The following TANGO6 variants were observed in gnomAD, a reference collection of about 807,000 sequenced individuals.
The protein encoded by TANGO6 is transport and Golgi organization protein 6 homolog.
A neutral mutation model predicts 114.2 loss-of-function variants in TANGO6; 90 were observed. The observed-to-expected ratio is 0.79, with a 90% CI of 0.66 to 0.94. The LOEUF is 0.94. Among genes scored for constraint, TANGO6 ranks in the 40% least tolerant of loss-of-function variants. TANGO6 has a pLI of 0.00. For missense variants in TANGO6, 1,274 were observed against 1,315.3 expected (o/e 0.97, Z 0.49); for synonymous variants, 477 against 509.8 (o/e 0.94, Z 0.87).
Position 69,040,308 on chromosome 16 carries a change from G to T in TANGO6, c.2995G>T (p.Val999Leu). 4.4e-6 allele frequency: 7 copies of T among 1,600,430 alleles called. No homozygotes were observed. The highest frequency in any genetic ancestry group is 6.0e-6 in the Non-Finnish European group (7 of 1,173,416). The change falls in exon 17 of 18, where the codon GTA becomes TTA. Residue 999 changes from valine to leucine, a missense_variant and splice_region_variant. By Grantham distance (32) the Val-to-Leu change is conservative. Transcript: ENST00000261778. Reference sequence around the variant, plus strand: ...ACTTCATCTTCCTTCATCCTCCTAGGTAACAGCTTGCCTGATTGCTGTGGC... The same window carrying T: ...ACTTCATCTTCCTTCATCCTCCTAGTTAACAGCTTGCCTGATTGCTGTGGC... ...DFLLGSVVHEVTACLIAVAKT... is the reference protein window; with the variant it reads ...DFLLGSVVHELTACLIAVAKT...
chr16:68,973,639 A>G (rs1480591311), intron 14 of TANGO6, among the ~76,000 whole-genome samples: 2 of 152,146 alleles, frequency 1.3e-5, no homozygotes, highest in African/African-American at 4.8e-5. Flanking sequence ...ATGAGCTTAG[A>G]TCTAATATTG....
At chr16:69,057,738 C>T (rs1213590151) in intron 17 of TANGO6, among the ~76,000 whole-genome samples, 2 of 152,122 alleles carry the variant, frequency 1.3e-5, no homozygotes, top group African/African-American at 4.8e-5. Context: ...TACTGCTAGC[C>T]CAGGAGAATG....
chr16:69,053,189 A>G (rs1442941254), intron 17 of TANGO6, among the ~76,000 whole-genome samples: 1 of 152,172 alleles, frequency 6.6e-6, no homozygotes, highest in Admixed American at 6.6e-5. Context: ...TTTAGAATGT[A>G]TAGGTTCTAA....
At chr16:69,024,097 T>C (rs762633139) in intron 16 of TANGO6, among the ~76,000 whole-genome samples, 57 of 152,006 alleles carry the variant, frequency 3.7e-4, no homozygotes, top group Admixed American at 8.5e-4. Context: ...AGACAGAGTT[T>C]CACCATGTTG....
rs1029287750 is a variant in TANGO6, at chr16:69,003,088, C to T, written c.2843-19740C>T. 4.3e-4 allele frequency among the ~76,000 whole-genome samples: 65 copies of T among 151,904 alleles called. 1 individual carries two copies. Among genetic ancestry groups the T allele is most frequent in the African/African-American group, 1.5e-3 (60 of 41,366 alleles). Reference sequence around the variant, plus strand: ...AAATCTTTTATCATTAAACTTTAGCCAGGACAAGCAGCTGACACCTCTGGC... The same window carrying T: ...AAATCTTTTATCATTAAACTTTAGCTAGGACAAGCAGCTGACACCTCTGGC... On this transcript the variant is annotated intron_variant, in intron 15 of 17. Transcript: ENST00000261778.
chr16:68,898,946 CTTATTATTATTATTA>C (rs143073228), intron 7 of TANGO6, among the ~76,000 whole-genome samples: 192 of 144,986 alleles, frequency 1.3e-3, no homozygotes, highest in African/African-American at 4.6e-3. Context: ...AATTATCTGC[CTTATTATTATTATTA>C]TTATTATTAT....
intron 15 of TANGO6, among the ~76,000 whole-genome samples, chr16:69,012,424 C>T (rs1244172621): frequency 2.6e-5 from 4 of 151,610 alleles, no homozygotes; most frequent in Admixed American, 6.6e-5. Context: ...GGCATGGTGG[C>T]GCATGCCTGT....
chr16:69,026,297 C>T (rs900223367), intron 16 of TANGO6: 3 of 152,096 alleles, frequency 2.0e-5, no homozygotes, highest in Admixed American at 6.6e-5. Flanking sequence ...CACCACGCCC[C>T]ACTGACTTCA....
chr16:68,982,237 A>T (rs574653727), intron 15 of TANGO6, among the ~76,000 whole-genome samples: 29 of 152,226 alleles, frequency 1.9e-4, no homozygotes, highest in Non-Finnish European at 3.5e-4. Context: ...TCACTGCTGT[A>T]TAAACTCCTA....
Position 69,052,166 on chromosome 16 carries a change from G to A in TANGO6, c.3108+11745G>A, listed in dbSNP as rs540607181. Among the ~76,000 whole-genome samples the A allele has an allele frequency of 2.0e-3, 302 of 151,118 alleles. 1 individual carries two copies. Among genetic ancestry groups the A allele is most frequent in the Non-Finnish European group, 3.1e-3 (212 of 67,814 alleles). On this transcript the variant is annotated intron_variant, in intron 17 of 17. Coordinates refer to ENST00000261778, the MANE Select transcript of TANGO6 (RefSeq NM_024562.2). ...TCTCCCTATATTGCCCAGGCTAGTC[G>A]TATCAAACTCCTAGGCTCAAGCAAT...
rs576919502 is a variant in TANGO6, at chr16:68,919,112, C to A, written c.2020C>A (p.Gln674Lys). 3.1e-6 allele frequency: 5 copies of A among 1,613,196 alleles called. No individual in the cohort carries two copies. In the East Asian group the frequency reaches 1.1e-4, roughly 36 times the overall value. ...QVVDFVAATL[Q>K]RACASLAHQA... is the part of the protein sequence containing the mutation. ...GGTGGACTTTGTAGCAGCAACATTG[C>A]AGAGAGCCTGTGCAAGCCTGGCCCA... is the stretch of plus-strand genomic sequence containing the variant. Residue 674 changes from glutamine to lysine, a missense_variant, in exon 12 of 18, where the codon CAG becomes AAG. Physicochemically the swap from Gln to Lys is moderately conservative, Grantham distance 53. Coordinates refer to ENST00000261778, the MANE Select transcript of TANGO6 (RefSeq NM_024562.2).
chr16:68,983,926 G>A (rs1015333460), intron 15 of TANGO6, among the ~76,000 whole-genome samples: 2 of 152,002 alleles, frequency 1.3e-5, no homozygotes, highest in East Asian at 1.9e-4. Context: ...CCAGCTACTC[G>A]GGAGGCTGAG....
At chr16:68,980,435 A>ATATATATATTT (rs1317961639) in intron 15 of TANGO6, among the ~76,000 whole-genome samples, 2 of 61,774 alleles carry the variant, frequency 3.2e-5, no homozygotes, top group African/African-American at 7.2e-5. Context: ...ATATATATAT[A>ATATATATATTT]TTTTTTTTTT....
intron 17 of TANGO6, among the ~76,000 whole-genome samples, chr16:69,071,382 G>T (rs1208127865): frequency 6.6e-6 from 1 of 152,110 alleles, no homozygotes; most frequent in Non-Finnish European, 1.5e-5. Context: ...GTTATAGATG[G>T]AAAAACCTCT....
At chr16:68,906,041 A>G (rs1041053704) in intron 9 of TANGO6, among the ~76,000 whole-genome samples, 2 of 151,360 alleles carry the variant, frequency 1.3e-5, no homozygotes, top group Admixed American at 6.6e-5. Flanking sequence ...TTAGCTGGGC[A>G]TGGTGGTGGG....
chr16:69,028,419 C>T (rs1056143707), intron 16 of TANGO6, among the ~76,000 whole-genome samples: 1 of 151,952 alleles, frequency 6.6e-6, no homozygotes, highest in Non-Finnish European at 1.5e-5. Flanking sequence ...CACCTGAGGT[C>T]GGGAGTTCAA....
intron 1 of TANGO6, among the ~76,000 whole-genome samples, chr16:68,847,295 A>T (rs955410428): frequency 2.0e-5 from 3 of 152,188 alleles, no homozygotes; most frequent in African/African-American, 7.2e-5. Flanking sequence ...ATGACCTAGT[A>T]TTATTATGAA....
chr16:68,959,815 G>C (rs564705501), intron 14 of TANGO6, among the ~76,000 whole-genome samples: 1 of 152,274 alleles, frequency 6.6e-6, no homozygotes, highest in Non-Finnish European at 1.5e-5. Flanking sequence ...TTCTAAACTA[G>C]TGAGAACCTG....
intron 5 of TANGO6, among the ~76,000 whole-genome samples, chr16:68,876,079 G>A (rs1962352253): frequency 6.6e-6 from 1 of 151,898 alleles, no homozygotes; most frequent in Admixed American, 6.6e-5. Context: ...CATCATATGT[G>A]CATATGTTAA....
Sources: gnomAD v4.1 joint callset for allele counts (sites outside exome capture counted in the v4.1 genomes callset) on GRCh38, gnomAD v4.1.1 for gene constraint, MANE v1.5 for transcripts, NCBI Gene and HGNC (gene_info 2026-07-23, HGNC 2026-07-21) for gene names.